The following NADSYN1 variants were observed in gnomAD, a reference collection of about 807,000 sequenced individuals.
NADSYN1 encodes glutamine-dependent NAD(+) synthetase.
A neutral mutation model predicts 99.3 loss-of-function variants in NADSYN1; 80 were observed. The observed-to-expected ratio is 0.81, with a 90% CI of 0.67 to 0.97. NADSYN1 has a LOEUF of 0.97. NADSYN1 is among the 50% of genes least tolerant of loss of function. The pLI, the probability that NADSYN1 is intolerant of heterozygous loss-of-function variation, is 0.00. For missense variants in NADSYN1, 859 were observed against 948.5 expected (o/e 0.91, Z 1.24); for synonymous variants, 385 against 372.1 (o/e 1.03, Z -0.40).
intron 10 of NADSYN1, chr11:71,479,523 T>C (rs1243643454): frequency 6.6e-6 from 1 of 152,190 alleles, no homozygotes; most frequent in East Asian, 1.9e-4. Context: ...GCATTTTCAT[T>C]ACCCCAAAAA....
chr11:71,492,414 TTTAGGTCTGTGATC>T (rs1269725460), intron 18 of NADSYN1, among the ~76,000 whole-genome samples: 2 of 152,162 alleles, frequency 1.3e-5, no homozygotes, highest in African/African-American at 4.8e-5. Context: ...CGTCCTTACA[TTTAGGTCTGTGATC>T]TAGTTGAGTT....
rs1209345009 is a variant in NADSYN1 at position 71,458,696 on chromosome 11, A to G, written c.263+152A>G. On this transcript the variant is annotated intron_variant, in intron 3 of 20. Coordinates refer to ENST00000319023, the MANE Select transcript of NADSYN1 (RefSeq NM_018161.5). ...TGCTTGAAAAGTGGGTTTTGTTCCT[A>G]TCTCAGCCCCGTAAGCCACCTCATT... is the stretch of plus-strand genomic sequence containing the variant. 17 of 621,490 alleles carry G rather than the reference A, an allele frequency of 2.7e-5. No individual in the cohort carries two copies. In the East Asian group the frequency reaches 3.2e-4, roughly 12 times the overall value. The allele number at this position is 621,490 out of a possible 1,614,324, so 38.5% of individuals were successfully genotyped here.
rs369555971 is a variant in NADSYN1 at position 71,453,395 on chromosome 11, G to T, written c.85+14G>T. 5 of 1,609,670 alleles carry T rather than the reference G, an allele frequency of 3.1e-6. No homozygotes were observed. The African/African-American group carries it at 5.3e-5, about 17-fold the overall frequency. Reference sequence around the variant, plus strand: ...GAATTTTAAAGAGTGAGTCTGGGGCGGCGGGGGCACCGGTTTGGGGTGGCG... The same window carrying T: ...GAATTTTAAAGAGTGAGTCTGGGGCTGCGGGGGCACCGGTTTGGGGTGGCG... On this transcript the variant is annotated intron_variant, in intron 1 of 20. Transcript: ENST00000319023.
intron 5 of NADSYN1, among the ~76,000 whole-genome samples, chr11:71,471,938 G>A (rs756827692): frequency 2.6e-5 from 4 of 152,084 alleles, no homozygotes; most frequent in African/African-American, 4.8e-5. Flanking sequence ...TGAAGATTCC[G>A]CCTCTTGGTG....
intron 16 of NADSYN1, among the ~76,000 whole-genome samples, chr11:71,490,493 C>G (rs1949771132): frequency 6.6e-6 from 1 of 152,128 alleles, no homozygotes; most frequent in South Asian, 2.1e-4. Flanking sequence ...GGGGAGGGGC[C>G]CGCGGCCGCC....
At chr11:71,479,415 A>G (rs1263756138) in intron 10 of NADSYN1, 1 of 151,858 alleles carries the variant, frequency 6.6e-6, no homozygotes, top group Non-Finnish European at 1.5e-5. Flanking sequence ...TAGCAGTTTT[A>G]TTAAGTTGTA....
In NADSYN1 at chr11:71,498,434, C is replaced by A. The variant is rs1181694851; in HGVS notation, c.1976C>A (p.Ala659Asp). The change falls in exon 20 of 21, where the codon GCC (alanine) becomes GAC (aspartate). Residue 659 changes from alanine (A) to aspartate (D), a missense_variant. Coordinates refer to ENST00000319023, the MANE Select transcript of NADSYN1 (RefSeq NM_018161.5). ...KMTTLTPAYH[A>D]ENYSPEDNRF... The stretch of plus-strand genomic sequence containing the variant: ...ACCACGCTCACACCCGCGTACCACG[C>A]CGAGAACTACAGCCCTGAGGACAAC... 1 of 1,614,184 alleles carries A rather than the reference C, an allele frequency of 6.2e-7. No individual in the cohort carries two copies.
chr11:71,485,439 C>G, intron 15 of NADSYN1, 103 bp from the exon 16 acceptor site: 1 of 879,412 alleles, frequency 1.1e-6, no homozygotes. Context: ...CTAGAGAGCT[C>G]CTAAGCTATT....
chr11:71,477,531 C>T (rs1220305392), intron 9 of NADSYN1: 8 of 1,006,968 alleles, frequency 7.9e-6, no homozygotes, highest in East Asian at 6.3e-5. Context: ...GTGCTGTTCC[C>T]GCTGTCCCAC....
chr11:71,496,777 G>A (rs1484780418), intron 18 of NADSYN1: 1 of 152,424 alleles, frequency 6.6e-6, no homozygotes, highest in East Asian at 1.9e-4. Flanking sequence ...CGTAAGAGAT[G>A]TCATTGGATG....
chr11:71,466,510 C>T (rs915998061), intron 5 of NADSYN1, among the ~76,000 whole-genome samples: 3 of 152,340 alleles, frequency 2.0e-5, no homozygotes, highest in East Asian at 1.9e-4. Context: ...CTGCCAGACA[C>T]GGGCTGCAAG....
At chr11:71,501,104 T>C (rs1949854440) in intron 20 of NADSYN1, among the ~76,000 whole-genome samples, 198 bp from the exon 21 acceptor site, 1 of 152,220 alleles carries the variant, frequency 6.6e-6, no homozygotes, top group Admixed American at 6.5e-5. Flanking sequence ...GCTGCTGTCA[T>C]CTGCAGTGAC....
chr11:71,469,927 G>GAAAAACAAAAAA (rs1949615952), intron 5 of NADSYN1, among the ~76,000 whole-genome samples: 1 of 109,180 alleles, frequency 9.2e-6, no homozygotes, highest in African/African-American at 3.8e-5. Flanking sequence ...GCCTGTCTCA[G>GAAAAACAAAAAA]AAAAAAAAAA....
intron 16 of NADSYN1, among the ~76,000 whole-genome samples, chr11:71,486,609 A>T (rs370907738): frequency 6.6e-6 from 1 of 151,434 alleles, no homozygotes; most frequent in African/African-American, 2.4e-5. Flanking sequence ...TTATCCACCA[A>T]TGTGTCTGTC....
rs2276362 is a variant in NADSYN1 at position 71,463,406 on chromosome 11, A to G, written c.264-26A>G. 1,093,214 of 1,604,516 alleles carry G rather than the reference A, an allele frequency of 0.68. 397,031 individuals are homozygous for G. The highest frequency in any genetic ancestry group is 0.77 in the Non-Finnish European group (901,560 of 1,171,578). On this transcript the variant is annotated intron_variant, in intron 3 of 20. Coordinates refer to ENST00000319023, the MANE Select transcript of NADSYN1 (RefSeq NM_018161.5). The stretch of plus-strand genomic sequence containing the variant: ...CTGTGTTTCATAACCGGGCAGACAC[A>G]CATGTACCTCCCCTCTCTCCTGCAG...
rs1949577471 is a variant in NADSYN1, at chr11:71,464,891, AAAGAG to A, written c.407+750_407+754del. Among the ~76,000 whole-genome samples, 3 of 150,820 alleles carry A rather than the reference AAAGAG, an allele frequency of 2.0e-5. No homozygotes were observed. In the South Asian group the frequency reaches 6.3e-4, roughly 31 times the overall value. ...TCAAAAAAAAAAAAAAAAAAAAAAA[AAAGAG>A]CGGGGTTTTTCTGTTTGATTTAGTT... is the stretch of plus-strand genomic sequence containing the variant. On this transcript the variant is annotated intron_variant, in intron 5 of 20. Transcript: ENST00000319023.
chr11:71,482,097 G>C (rs529184964), intron 13 of NADSYN1, 72 bp downstream of exon 13: 1 of 1,361,868 alleles, frequency 7.3e-7, no homozygotes, highest in African/African-American at 1.4e-5. Flanking sequence ...AGGGACCTAG[G>C]AGGGGGCAGA....
intron 17 of NADSYN1, 43 bp downstream of exon 17, chr11:71,491,019 C>G: frequency 1.2e-6 from 2 of 1,611,614 alleles, no homozygotes; most frequent in Non-Finnish European, 1.7e-6. Flanking sequence ...CACGGGGCTC[C>G]TCTCCCAGCA....
chr11:71,461,366 C>T (rs1949549127), intron 3 of NADSYN1, among the ~76,000 whole-genome samples: 1 of 152,212 alleles, frequency 6.6e-6, no homozygotes, highest in Non-Finnish European at 1.5e-5. Context: ...CGTCAGGCAT[C>T]TTCCATGGCA....
Sources: gnomAD v4.1 joint callset for allele counts (sites outside exome capture counted in the v4.1 genomes callset) on GRCh38, gnomAD v4.1.1 for gene constraint, MANE v1.5 for transcripts, NCBI Gene and HGNC (gene_info 2026-07-23, HGNC 2026-07-21) for gene names.